Variants in JAK1 observed in about 807,000 individuals in gnomAD.
JAK1 encodes Janus kinase 1.
Under a neutral mutation model 136.6 loss-of-function variants are expected in JAK1, and 16 were observed. The ratio of observed to expected loss-of-function variants is 0.12; its 90% CI spans 0.08 to 0.18. The LOEUF (loss-of-function observed/expected upper bound fraction) is 0.18, where lower values mean the gene tolerates loss of function less well. Ranked by LOEUF, JAK1 falls within the 10% of genes least tolerant of loss-of-function variation. The pLI, the probability that JAK1 is intolerant of heterozygous loss-of-function variation, is 1.00. For synonymous variants in JAK1, 492 were observed against 519.5 expected, an observed-to-expected ratio of 0.95 and a Z score of 0.72; for missense variants, 859 against 1,450.1, an observed-to-expected ratio of 0.59 and a Z score of 6.62.
chr1:65,027,643 G>C (rs1295981888), intron 2 of JAK1, among the ~76,000 whole-genome samples: 1 of 152,168 alleles, frequency 6.6e-6, no homozygotes, highest in East Asian at 1.9e-4. Context: ...CTTGTAAAAG[G>C]AGAAGGGTAA....
intron 1 of JAK1, among the ~76,000 whole-genome samples, chr1:65,060,886 T>A (rs904526066): frequency 3.3e-5 from 5 of 152,180 alleles, no homozygotes; most frequent in African/African-American, 9.7e-5. Context: ...TGTCTAAATT[T>A]ATAAACAAGT....
intron 1 of JAK1, among the ~76,000 whole-genome samples, chr1:64,953,253 C>G (rs1434636379): frequency 2.6e-5 from 4 of 152,212 alleles, no homozygotes; most frequent in Non-Finnish European, 5.9e-5. Context: ...CAGGCACTGT[C>G]TGAAGCTATT....
At chr1:65,002,682 G>T (rs975038227) in intron 2 of JAK1, among the ~76,000 whole-genome samples, 2 of 152,230 alleles carry the variant, frequency 1.3e-5, no homozygotes, top group Non-Finnish European at 2.9e-5. Context: ...CCGAAAGTGC[G>T]AGCCTGGCCG....
At chr1:64,910,843 CA>C (rs369528546) in intron 1 of JAK1, among the ~76,000 whole-genome samples, 8,961 of 89,216 alleles carry the variant, frequency 0.1, 494 homozygotes, top group African/African-American at 0.23. Context: ...GACTCTGTCT[CA>C]AAAAAAAAAA....
intron 1 of JAK1, among the ~76,000 whole-genome samples, chr1:64,921,263 G>A (rs1645489320): frequency 6.6e-6 from 1 of 152,060 alleles, no homozygotes; most frequent in African/African-American, 2.4e-5. Context: ...GCACAAGACT[G>A]CTGCATTAGG....
At chr1:64,892,366 G>C (rs1361347607) in intron 1 of JAK1, among the ~76,000 whole-genome samples, 1 of 152,052 alleles carries the variant, frequency 6.6e-6, no homozygotes, top group Non-Finnish European at 1.5e-5. Context: ...CTGCAGCCTT[G>C]ACCTCCTGGG....
chr1:64,850,796 T>C lies in JAK1; in HGVS notation c.1755+8A>G, dbSNP rs766954500. 1 of 1,600,676 alleles carries C rather than the reference T, an allele frequency of 6.2e-7. No individual in the cohort carries two copies. The highest frequency in any genetic ancestry group is 1.1e-5 in the South Asian group (1 of 90,732). ...ACAGCTGGCCCACACCCTGCAGCCG[T>C]GACTCACCTGCACCAGATCCTTCTT... On this transcript the variant is annotated splice_region_variant and intron_variant, in intron 12 of 24. Transcript: ENST00000342505.
At chr1:64,991,234 T>C (rs560552441) in intron 2 of JAK1, 1 of 152,198 alleles carries the variant, frequency 6.6e-6, no homozygotes, top group Non-Finnish European at 1.5e-5. Context: ...ATTAGTTTGC[T>C]AGGGCTACCA....
At chr1:64,950,334 G>T (rs1646061599) in intron 1 of JAK1, among the ~76,000 whole-genome samples, 1 of 151,638 alleles carries the variant, frequency 6.6e-6, no homozygotes, top group Admixed American at 6.6e-5. Flanking sequence ...CTTCAACCCG[G>T]AGGCAGAGGT....
At position 64,975,827 on chromosome 1, in the gene JAK1, C is replaced by T. The variant is rs115671790; in HGVS notation, c.-78+68653G>A. Among the ~76,000 whole-genome samples, 712 of 152,248 alleles carry T rather than the reference C, an allele frequency of 4.7e-3. 4 individuals are homozygous for T. The highest frequency in any genetic ancestry group is 0.016 in the African/African-American group (664 of 41,554). Reference sequence around the variant, plus strand: ...GGGTTCCACACATCTTCCTCCCTAGCGCCATCCACTTCCTCGGGCTGATGA... The same window carrying T: ...GGGTTCCACACATCTTCCTCCCTAGTGCCATCCACTTCCTCGGGCTGATGA... On this transcript the variant is annotated intron_variant, in intron 2 of 25. Coordinates refer to the JAK1 transcript ENST00000671954.
chr1:65,044,799 A>T (rs1419656963), intron 1 of JAK1, among the ~76,000 whole-genome samples: 20 of 152,268 alleles, frequency 1.3e-4, no homozygotes. Context: ...TCATAGCTCC[A>T]GCAGGCTGTG....
chr1:64,966,119 C>A (rs1028141732), intron 1 of JAK1, among the ~76,000 whole-genome samples: 1 of 151,892 alleles, frequency 6.6e-6, no homozygotes, highest in Non-Finnish European at 1.5e-5. Flanking sequence ...CGCCCGGCGA[C>A]CTCCTCGCCG....
chr1:64,997,711 T>G (rs572860170), intron 2 of JAK1, among the ~76,000 whole-genome samples: 61 of 151,912 alleles, frequency 4.0e-4, no homozygotes, highest in Admixed American at 6.6e-4. Flanking sequence ...AGTGTGGGAG[T>G]GTGGGGCTGT....
At chr1:64,904,136 T>G (rs1384160891) in intron 1 of JAK1, among the ~76,000 whole-genome samples, 1 of 152,196 alleles carries the variant, frequency 6.6e-6, no homozygotes, top group Non-Finnish European at 1.5e-5. Flanking sequence ...TTCTTTAATA[T>G]AGAAACAGAT....
chr1:65,044,884 CA>C (rs1426639359), intron 1 of JAK1, among the ~76,000 whole-genome samples: 1 of 152,202 alleles, frequency 6.6e-6, no homozygotes, highest in Non-Finnish European at 1.5e-5. Flanking sequence ...GTTTGTAAAA[CA>C]TAACAATGAA....
intron 1 of JAK1, among the ~76,000 whole-genome samples, chr1:64,948,637 C>T (rs1646028233): frequency 6.6e-6 from 1 of 152,234 alleles, no homozygotes. Context: ...TTTTGGGCTT[C>T]TCTCTTCATC....
At chr1:64,879,818 C>T (rs1335609520) in intron 3 of JAK1, among the ~76,000 whole-genome samples, 1 of 152,124 alleles carries the variant, frequency 6.6e-6, no homozygotes, top group Non-Finnish European at 1.5e-5. Context: ...ACAGTGCTCC[C>T]CTGCCTCTCC....
chr1:65,014,750 C>T (rs1245364511), intron 2 of JAK1, among the ~76,000 whole-genome samples: 1 of 151,022 alleles, frequency 6.6e-6, no homozygotes, highest in South Asian at 2.1e-4. Context: ...AGTGGCGCGA[C>T]CTCGGCTCAC....
chr1:64,862,881 T>C lies in JAK1; in HGVS notation c.1176+1906A>G, dbSNP rs1360635594. ...GACCCTGTGCAAGATCCCATGCCTC[T>C]TGATTAGTCTCAGATTCCTCATTTC... On this transcript the variant is annotated intron_variant, in intron 8 of 24. Coordinates refer to ENST00000342505, the MANE Select transcript of JAK1 (RefSeq NM_002227.4). Among the ~76,000 whole-genome samples the C allele has an allele frequency of 2.0e-5, 3 of 152,216 alleles. No individual in the cohort carries two copies. The East Asian group carries it at 5.8e-4, about 29-fold the overall frequency.
Sources: allele counts gnomAD v4.1 joint callset (sites outside exome capture counted in the v4.1 genomes callset), GRCh38; gene constraint gnomAD v4.1.1; transcripts MANE v1.5; gene names NCBI Gene and HGNC (gene_info 2026-07-23, HGNC 2026-07-21).